Variants in P3H2 observed in about 807,000 individuals in gnomAD.
P3H2 encodes leprecan-like 1.
A neutral mutation model predicts 87.0 loss-of-function variants in P3H2; 80 were observed. That is an observed-to-expected ratio of 0.92 (90% CI 0.77 to 1.11). The LOEUF (loss-of-function observed/expected upper bound fraction) is 1.11. Ranked by LOEUF, P3H2 falls within the 50% of genes least tolerant of loss-of-function variation. The probability of loss-of-function intolerance (pLI) is 0.00; values close to 1 mark genes in which losing one functional copy is unlikely to be tolerated. For missense variants in P3H2, 1,001 were observed against 923.9 expected (o/e 1.08, Z -1.08); for synonymous variants, 367 against 359.3 (o/e 1.02, Z -0.24).
intron 1 of P3H2, among the ~76,000 whole-genome samples, chr3:190,085,197 AAAG>A (rs1332223262): frequency 2.0e-5 from 3 of 152,134 alleles, no homozygotes; most frequent in Non-Finnish European, 4.4e-5. Context: ...TAAATCAGAG[AAAG>A]AAGAAGGAGC....
intron 1 of P3H2, among the ~76,000 whole-genome samples, chr3:190,023,313 T>C (rs537797014): frequency 3.3e-5 from 5 of 152,236 alleles, no homozygotes; most frequent in Non-Finnish European, 5.9e-5. Context: ...AGATGATGAG[T>C]GTGTTACTCC....
At chr3:190,047,857 A>G (rs1725855386) in intron 1 of P3H2, among the ~76,000 whole-genome samples, 1 of 152,250 alleles carries the variant, frequency 6.6e-6, no homozygotes, top group African/African-American at 2.4e-5. Context: ...AAGTTACAGT[A>G]TGGAATAGCA....
rs760653286 is a variant in P3H2, at chr3:189,974,604, T to C, written c.1406A>G (p.Asn469Ser). 1 of 1,614,136 alleles carries C rather than the reference T, an allele frequency of 6.2e-7. No individual in the cohort carries two copies. The highest frequency in any genetic ancestry group is 8.5e-7 in the Non-Finnish European group (1 of 1,180,028). ...CCGGCACTGTTCTTCCGACAGGACGTTATCCAGGAGAACCCGCTGAGTCCC... is the reference window on the plus strand; with the variant it reads ...CCGGCACTGTTCTTCCGACAGGACGCTATCCAGGAGAACCCGCTGAGTCCC... Reference protein sequence around the residue: ...LNGTQRVLLDNVLSEEQCREL... With the variant: ...LNGTQRVLLDSVLSEEQCREL... The change falls in exon 9 of 15, where the codon AAC becomes AGC. Residue 469 changes from asparagine (N) to serine (S), a missense_variant. Coordinates refer to ENST00000319332, the MANE Select transcript of P3H2 (RefSeq NM_018192.4).
chr3:190,087,180 A>G (rs897817224), intron 1 of P3H2, among the ~76,000 whole-genome samples: 1 of 152,190 alleles, frequency 6.6e-6, no homozygotes, highest in Non-Finnish European at 1.5e-5. Flanking sequence ...ATTTAACTCT[A>G]TAAAAATACT....
At chr3:189,977,156 T>C (rs1372693962) in intron 8 of P3H2, among the ~76,000 whole-genome samples, 1 of 152,190 alleles carries the variant, frequency 6.6e-6, no homozygotes. Context: ...CATACAGCTG[T>C]GCAATTTGCT....
chr3:190,016,091 T>A (rs1724744845), intron 1 of P3H2, among the ~76,000 whole-genome samples: 1 of 152,216 alleles, frequency 6.6e-6, no homozygotes, highest in Non-Finnish European at 1.5e-5. Flanking sequence ...GTGGCTTCCT[T>A]ATCCTGGAAG....
intron 1 of P3H2, among the ~76,000 whole-genome samples, chr3:190,014,957 C>G (rs1263568653): frequency 2.6e-5 from 4 of 152,136 alleles, no homozygotes; most frequent in Non-Finnish European, 4.4e-5. Context: ...CATTCAATAT[C>G]TCTGAATCTG....
intron 2 of P3H2, 92 bp from the exon 3 acceptor site, chr3:189,994,375 C>A: frequency 9.5e-7 from 1 of 1,052,420 alleles, no homozygotes; most frequent in Non-Finnish European, 1.4e-6. Flanking sequence ...TTTGTTGACT[C>A]AGGATCATCT....
At chr3:190,108,856 T>C (rs1251771524) in intron 1 of P3H2, among the ~76,000 whole-genome samples, 2 of 152,226 alleles carry the variant, frequency 1.3e-5, no homozygotes, top group Non-Finnish European at 2.9e-5. Context: ...GTTTTTGTTT[T>C]TTTAGAGGGG....
chr3:190,094,028 T>C (rs1235985077), intron 1 of P3H2, among the ~76,000 whole-genome samples: 2 of 152,200 alleles, frequency 1.3e-5, no homozygotes, highest in Non-Finnish European at 2.9e-5. Flanking sequence ...TAAAATAATT[T>C]TGATTAATTT....
At chr3:189,977,200 T>G (rs1225125058) in intron 8 of P3H2, among the ~76,000 whole-genome samples, 1 of 152,170 alleles carries the variant, frequency 6.6e-6, no homozygotes, top group Non-Finnish European at 1.5e-5. Context: ...GGAACTTACT[T>G]CTAAACAGTA....
chr3:190,075,380 G>A (rs1312587569), intron 1 of P3H2, among the ~76,000 whole-genome samples: 1 of 151,860 alleles, frequency 6.6e-6, no homozygotes, highest in African/African-American at 2.4e-5. Flanking sequence ...AGCTACTCGG[G>A]AGGCTGAGGT....
At chr3:189,977,856 C>G (rs892459080) in intron 8 of P3H2, among the ~76,000 whole-genome samples, 2 of 152,068 alleles carry the variant, frequency 1.3e-5, no homozygotes, top group Non-Finnish European at 2.9e-5. Context: ...GCCATCCTCC[C>G]TCCTCAGCCT....
chr3:190,087,533 G>A (rs1166716600), intron 1 of P3H2, among the ~76,000 whole-genome samples: 1 of 106,858 alleles, frequency 9.4e-6, no homozygotes, highest in East Asian at 2.8e-4. Flanking sequence ...GACAGAGCAA[G>A]ACTACATCTC....
chr3:190,011,890 A>T (rs1040840224), intron 1 of P3H2, among the ~76,000 whole-genome samples: 7 of 152,220 alleles, frequency 4.6e-5, no homozygotes, highest in Admixed American at 1.3e-4. Flanking sequence ...CACTAGAAAA[A>T]TGTTATACAT....
intron 1 of P3H2, among the ~76,000 whole-genome samples, chr3:190,027,054 A>G (rs1300881793): frequency 6.6e-6 from 1 of 152,348 alleles, no homozygotes; most frequent in East Asian, 1.9e-4. Flanking sequence ...TTTAATACAC[A>G]TAACAATTTT....
chr3:190,121,850 G>A (rs1712614399), upstream of P3H2, among the ~76,000 whole-genome samples: 1 of 152,172 alleles, frequency 6.6e-6, no homozygotes, highest in African/African-American at 2.4e-5. Flanking sequence ...CCAGCACTTT[G>A]GGAGGCCAAG....
intron 13 of P3H2, among the ~76,000 whole-genome samples, chr3:189,965,611 T>C (rs1413709999): frequency 6.6e-6 from 1 of 152,158 alleles, no homozygotes; most frequent in African/African-American, 2.4e-5. Context: ...TGTGATTCTG[T>C]TTTTCTGGAG....
intron 1 of P3H2, among the ~76,000 whole-genome samples, chr3:190,013,149 T>G (rs1458906941): frequency 6.6e-6 from 1 of 152,232 alleles, no homozygotes; most frequent in East Asian, 1.9e-4. Context: ...CTCTTCGATA[T>G]ATATTGATAT....
Sources: gnomAD v4.1 joint callset for allele counts (sites outside exome capture counted in the v4.1 genomes callset) on GRCh38, gnomAD v4.1.1 for gene constraint, MANE v1.5 for transcripts, NCBI Gene and HGNC (gene_info 2026-07-23, HGNC 2026-07-21) for gene names.